CLCN4: variants seen among roughly 807,000 people sequenced by gnomAD.
CLCN4 encodes H(+)/Cl(-) exchange transporter 4.
CLCN4 carries 1 observed loss-of-function variant against 41.7 expected under a neutral mutation model. The observed-to-expected ratio is 0.02, with a 90% confidence interval of 0.01 to 0.11. The LOEUF (loss-of-function observed/expected upper bound fraction) is 0.11. CLCN4 is among the 10% of genes least tolerant of loss of function. CLCN4 has a pLI of 1.00. For synonymous variants in CLCN4, 277 were observed against 285.8 expected (o/e 0.97, Z 0.31); for missense variants, 287 against 661.0 (o/e 0.43, Z 6.20).
At chrX:10,225,991 G>C (rs1924980807) in intron 12 of CLCN4, among the ~76,000 whole-genome samples, 1 of 111,599 alleles carries the variant, frequency 9.0e-6, no homozygotes, top group African/African-American at 3.3e-5. Flanking sequence ...ATGTAGTATA[G>C]TTTGAAGTTG....
At chrX:10,201,886 T>C (rs1924245842) in intron 6 of CLCN4, among the ~76,000 whole-genome samples, 2 of 112,011 alleles carry the variant, frequency 1.8e-5, no homozygotes, top group Admixed American at 1.9e-4. Flanking sequence ...GGTGGGAGGA[T>C]TGCTTGAGGC....
chrX:10,196,651 A>C lies in CLCN4; in HGVS notation c.433-1288A>C, dbSNP rs138588280. On this transcript the variant is annotated intron_variant, in intron 5 of 12. Coordinates refer to ENST00000380833, the MANE Select transcript of CLCN4 (RefSeq NM_001830.4). ...GTGGAATTGAAAATTAATTCCTTCA[A>C]ATCTCAGAAGGAGACAGGGATCTTG... Among the ~76,000 whole-genome samples, 393 of 108,773 alleles carry C rather than the reference A, an allele frequency of 3.6e-3. 3 individuals are homozygous for C. Among genetic ancestry groups the C allele is most frequent in the African/African-American group, 0.012 (357 of 29,404 alleles). The allele number at this position is 108,773 out of a possible 115,157, so 94.5% of individuals were successfully genotyped here.
At chrX:10,166,503 A>T (rs914794702) in intron 2 of CLCN4, among the ~76,000 whole-genome samples, 1 of 111,604 alleles carries the variant, frequency 9.0e-6, no homozygotes, top group African/African-American at 3.3e-5. Flanking sequence ...ATGGAGGCAC[A>T]TGGCTCTGGG....
intron 2 of CLCN4, among the ~76,000 whole-genome samples, chrX:10,161,224 G>T (rs1287303298): frequency 9.2e-6 from 1 of 108,428 alleles, no homozygotes; most frequent in Non-Finnish European, 1.9e-5. Context: ...GGAAAGCCCT[G>T]GTGGGGGAGG....
intron 12 of CLCN4, among the ~76,000 whole-genome samples, chrX:10,221,433 G>A (rs971583040): frequency 9.0e-6 from 1 of 111,566 alleles, no homozygotes; most frequent in Non-Finnish European, 1.9e-5. Flanking sequence ...AGGCTGAGGT[G>A]GAGGATCACT....
chrX:10,223,173 G>A (rs1190434770), intron 12 of CLCN4, among the ~76,000 whole-genome samples: 2 of 112,076 alleles, frequency 1.8e-5, no homozygotes, highest in African/African-American at 6.5e-5. Context: ...AACCACTGAA[G>A]TCGATTTATG....
intron 2 of CLCN4, among the ~76,000 whole-genome samples, chrX:10,182,061 G>A (rs1291252090): frequency 9.0e-6 from 1 of 111,539 alleles, no homozygotes; most frequent in Non-Finnish European, 1.9e-5. Context: ...GGCAAATAAT[G>A]GTTGTGTAGG....
chrX:10,196,602 C>T (rs1159422214), intron 5 of CLCN4, among the ~76,000 whole-genome samples: 1 of 102,466 alleles, frequency 9.8e-6, no homozygotes, highest in Non-Finnish European at 1.9e-5. Context: ...TGCACTTTGC[C>T]ATTTTTGCTA....
At chrX:10,186,812 C>T (rs1923825297) in intron 3 of CLCN4, among the ~76,000 whole-genome samples, 1 of 111,985 alleles carries the variant, frequency 8.9e-6, no homozygotes, top group African/African-American at 3.3e-5. Context: ...CAGCCATGCC[C>T]ATCCATTTCC....
chrX:10,207,934 T>C (rs757954002), intron 8 of CLCN4, 111 bp from the exon 9 acceptor site: 1 of 621,831 alleles, frequency 1.6e-6, no homozygotes, highest in African/African-American at 2.2e-5. Context: ...GCTCATGGAA[T>C]GAGTGTGTCC....
At chrX:10,202,578 G>T (rs1376259479) in intron 6 of CLCN4, among the ~76,000 whole-genome samples, 2 of 95,958 alleles carry the variant, frequency 2.1e-5, no homozygotes, top group Non-Finnish European at 4.0e-5. Flanking sequence ...AATTGAGACT[G>T]CAGTGAGCTG....
intron 2 of CLCN4, among the ~76,000 whole-genome samples, chrX:10,167,003 A>G (rs1923265531): frequency 8.9e-6 from 1 of 112,614 alleles, no homozygotes; most frequent in Non-Finnish European, 1.9e-5. Context: ...AGTCCTATGG[A>G]AGCCAGACTG....
chrX:10,208,410 T>C lies in CLCN4; in HGVS notation c.1209T>C (p.Asn403=), dbSNP rs1311324351. ...GCGAGCTCATTTCTGAGCTGTTCAA[T>C]GACTGTGGAGCCCTTGAGTCTTCCC... The part of the protein sequence containing the change: ...STSELISELF[N]DCGALESSQL... The change falls in exon 9 of 13, where the codon AAT becomes AAC. Residue 403 remains asparagine (N), a synonymous_variant. Transcript: ENST00000380833. 3.3e-6 allele frequency: 4 copies of C among 1,209,397 alleles called. No homozygotes were observed. The highest frequency in any genetic ancestry group is 3.5e-5 in the African/African-American group (2 of 56,985).
At chrX:10,208,697 T>C in intron 9 of CLCN4, 107 bp downstream of exon 9, 2 of 662,063 alleles carry the variant, frequency 3.0e-6, no homozygotes, top group Non-Finnish European at 4.5e-6. Context: ...AACTGGCCTT[T>C]CTTGAATGTT....
chrX:10,224,893 C>T (rs1456630375), intron 12 of CLCN4, among the ~76,000 whole-genome samples: 1 of 111,846 alleles, frequency 8.9e-6, no homozygotes, highest in Non-Finnish European at 1.9e-5. Context: ...GCTTCCAGCT[C>T]CATCCATGTC....
intron 2 of CLCN4, among the ~76,000 whole-genome samples, chrX:10,163,363 A>T (rs1293140975): frequency 3.0e-5 from 3 of 98,681 alleles, no homozygotes; most frequent in Non-Finnish European, 6.2e-5. Flanking sequence ...ATGTGCAGGA[A>T]TTTTTTTTTT....
At chrX:10,207,442 C>T (rs1356269403) in intron 8 of CLCN4, among the ~76,000 whole-genome samples, 1 of 112,179 alleles carries the variant, frequency 8.9e-6, no homozygotes, top group African/African-American at 3.2e-5. Context: ...TGTAGCTGCT[C>T]AGCTCTGCTG....
chrX:10,233,790 T>C lies in CLCN4; in HGVS notation c.*206T>C. The C allele has an allele frequency of 2.5e-6, 1 of 397,706 alleles. No homozygotes were observed. Among genetic ancestry groups the C allele is most frequent in the Non-Finnish European group, 4.5e-6 (1 of 224,497 alleles). The allele number at this position is 397,706 out of a possible 1,213,427, so 32.8% of individuals were successfully genotyped here. A position where few individuals can be genotyped will look rare whatever the true frequency, so the allele number is the denominator to read the frequency against. ...GGCATTTTATAGCTTTAACCCCGTATGAGTTTCAAGCTGTGTTTCCTAATG... is the reference window on the plus strand; with the variant it reads ...GGCATTTTATAGCTTTAACCCCGTACGAGTTTCAAGCTGTGTTTCCTAATG... On this transcript the variant is annotated 3_prime_UTR_variant, in exon 13 of 13. Transcript: ENST00000380833.
chrX:10,224,375 C>A (rs1452968852), intron 12 of CLCN4, among the ~76,000 whole-genome samples: 1 of 104,543 alleles, frequency 9.6e-6, no homozygotes, highest in African/African-American at 3.6e-5. Flanking sequence ...ACTTTGCAAA[C>A]ACTAACAAGT....
Sources: allele counts gnomAD v4.1 joint callset (sites outside exome capture counted in the v4.1 genomes callset), GRCh38; gene constraint gnomAD v4.1.1; transcripts MANE v1.5; gene names NCBI Gene and HGNC (gene_info 2026-07-23, HGNC 2026-07-21).